The following CADPS variants were observed in gnomAD, a reference collection of about 807,000 sequenced individuals.
CADPS encodes calcium-dependent secretion activator 1.
CADPS carries 57 observed loss-of-function variants against 167.3 expected under a neutral mutation model. That is an observed-to-expected ratio of 0.34 (90% CI 0.28 to 0.42). CADPS has a LOEUF of 0.42. CADPS is among the 20% of genes least tolerant of loss of function. The probability of loss-of-function intolerance (pLI) is 1.00; values close to 1 mark genes in which losing one functional copy is unlikely to be tolerated. For synonymous variants in CADPS, 676 were observed against 635.3 expected, an observed-to-expected ratio of 1.06 and a Z score of -0.96; for missense variants, 1,414 against 1,738.1, an observed-to-expected ratio of 0.81 and a Z score of 3.32.
chr3:62,549,831 TTTTCTAA>T (rs1313408300), intron 11 of CADPS, 65 bp downstream of exon 11: 9 of 1,199,274 alleles, frequency 7.5e-6, no homozygotes, highest in Non-Finnish European at 8.4e-6. Context: ...AGCAACTAGG[TTTTCTAA>T]TTCAACTTTG....
intron 1 of CADPS, among the ~76,000 whole-genome samples, chr3:62,847,164 CTT>C (rs2077598657): frequency 6.6e-6 from 1 of 151,420 alleles, no homozygotes; most frequent in African/African-American, 2.4e-5. Flanking sequence ...AATTTTTTGA[CTT>C]TTTTCTTATC....
At chr3:62,510,220 A>ATCTATCTATCTATCTATCTG (rs2067519270) in intron 17 of CADPS, among the ~76,000 whole-genome samples, 1 of 151,368 alleles carries the variant, frequency 6.6e-6, no homozygotes, top group Non-Finnish European at 1.5e-5. Flanking sequence ...CTATCTATCT[A>ATCTATCTATCTATCTATCTG]TCTATCTGCC....
intron 1 of CADPS, among the ~76,000 whole-genome samples, chr3:62,866,838 T>A (rs1387858471): frequency 6.6e-6 from 1 of 151,994 alleles, no homozygotes; most frequent in African/African-American, 2.4e-5. Context: ...TAATAATTTT[T>A]CCCCATTTTA....
At chr3:62,657,532 T>C (rs1173409950) in intron 4 of CADPS, among the ~76,000 whole-genome samples, 1 of 152,212 alleles carries the variant, frequency 6.6e-6, no homozygotes, top group Non-Finnish European at 1.5e-5. Context: ...CTGGGTGAAA[T>C]TTGGGAACAC....
intron 1 of CADPS, among the ~76,000 whole-genome samples, chr3:62,873,649 C>T (rs1447781391): frequency 1.4e-5 from 2 of 144,462 alleles, no homozygotes; most frequent in African/African-American, 5.2e-5. Flanking sequence ...TCAAAGGCAG[C>T]CCAGAGCTAT....
intron 3 of CADPS, among the ~76,000 whole-genome samples, chr3:62,673,014 C>T (rs1046342450): frequency 2.6e-5 from 4 of 152,196 alleles, no homozygotes; most frequent in African/African-American, 9.6e-5. Flanking sequence ...AAGGTCACCT[C>T]TTCTAGGCCA....
At chr3:62,418,685 CA>C (rs1214324720) in intron 28 of CADPS, among the ~76,000 whole-genome samples, 1 of 151,736 alleles carries the variant, frequency 6.6e-6, no homozygotes, top group African/African-American at 2.4e-5. Context: ...CTATTAATAT[CA>C]ACTTAAATGA....
chr3:62,611,540 C>A (rs1352427620), intron 6 of CADPS, among the ~76,000 whole-genome samples: 1 of 152,226 alleles, frequency 6.6e-6, no homozygotes, highest in African/African-American at 2.4e-5. Flanking sequence ...TCAATGCATT[C>A]TTTTCACTCA....
At chr3:62,757,297 C>T (rs1401675394) in intron 2 of CADPS, among the ~76,000 whole-genome samples, 1 of 152,120 alleles carries the variant, frequency 6.6e-6, no homozygotes, top group Non-Finnish European at 1.5e-5. Flanking sequence ...TCCTAAAGCC[C>T]TTCCACAGCT....
At chr3:62,676,422 A>G (rs2076343932) in intron 3 of CADPS, among the ~76,000 whole-genome samples, 2 of 152,136 alleles carry the variant, frequency 1.3e-5, no homozygotes, top group Non-Finnish European at 2.9e-5. Context: ...AAAATTATCT[A>G]TGCTTTTATC....
At chr3:62,406,318 T>C (rs1708470074) in intron 28 of CADPS, among the ~76,000 whole-genome samples, 1 of 152,192 alleles carries the variant, frequency 6.6e-6, no homozygotes, top group African/African-American at 2.4e-5. Context: ...GGTGTCTGGG[T>C]TGTTCTGCTC....
At chr3:62,748,415 G>A (rs1261913943) in intron 3 of CADPS, among the ~76,000 whole-genome samples, 2 of 147,610 alleles carry the variant, frequency 1.4e-5, no homozygotes, top group Admixed American at 6.9e-5. Context: ...CACATTTGAG[G>A]TATTTTTCAA....
In CADPS at chr3:62,535,563, G is replaced by T. The variant is rs189572877; in HGVS notation, c.2103+882C>A. Among the ~76,000 whole-genome samples the T allele has an allele frequency of 2.6e-5, 4 of 151,936 alleles. No individual in the cohort carries two copies. In the East Asian group the frequency reaches 7.7e-4, roughly 29 times the overall value. On this transcript the variant is annotated intron_variant, in intron 12 of 29. Coordinates refer to ENST00000383710, the MANE Select transcript of CADPS (RefSeq NM_003716.4). ...CATAGAGATATTCTTCTCAACTTTA[G>T]TGTTTAGAATCAGGGATGAGAATTT...
intron 1 of CADPS, 116 bp from the exon 2 acceptor site, chr3:62,766,100 T>C (rs781604420): frequency 2.3e-5 from 12 of 528,786 alleles, no homozygotes; most frequent in Non-Finnish European, 4.0e-5. Flanking sequence ...TGTATAGGTG[T>C]GTGACAGCTG....
intron 1 of CADPS, among the ~76,000 whole-genome samples, chr3:62,827,129 T>C (rs954934959): frequency 6.6e-6 from 1 of 152,112 alleles, no homozygotes; most frequent in African/African-American, 2.4e-5. Flanking sequence ...GGTGTGGGGG[T>C]GCTATTTCTT....
At chr3:62,684,363 A>T (rs1298398833) in intron 3 of CADPS, among the ~76,000 whole-genome samples, 3 of 151,826 alleles carry the variant, frequency 2.0e-5, no homozygotes, top group Non-Finnish European at 2.9e-5. Context: ...AGCACTTTTC[A>T]ACTTTTTGGC....
chr3:62,585,378 A>G, intron 7 of CADPS, 54 bp from the exon 8 acceptor site: 7 of 1,562,300 alleles, frequency 4.5e-6, no homozygotes, highest in South Asian at 2.4e-5. Flanking sequence ...TTATGTTTTT[A>G]TAGATTAGAA....
intron 1 of CADPS, among the ~76,000 whole-genome samples, chr3:62,851,850 G>C (rs2078662805): frequency 6.6e-6 from 1 of 151,580 alleles, no homozygotes; most frequent in Non-Finnish European, 1.5e-5. Context: ...AGTTCTCCTG[G>C]ATAACATCCT....
intron 6 of CADPS, among the ~76,000 whole-genome samples, chr3:62,641,044 C>G (rs1317819883): frequency 6.6e-6 from 1 of 152,022 alleles, no homozygotes; most frequent in Non-Finnish European, 1.5e-5. Context: ...CCAGGTACCA[C>G]CTGTGCTATT....
Sources: allele counts gnomAD v4.1 joint callset (sites outside exome capture counted in the v4.1 genomes callset), GRCh38; gene constraint gnomAD v4.1.1; transcripts MANE v1.5; gene names NCBI Gene and HGNC (gene_info 2026-07-23, HGNC 2026-07-21).